Variants in DCDC2C observed in about 807,000 individuals in gnomAD.
The protein encoded by DCDC2C is doublecortin domain-containing protein 2C.
A neutral mutation model predicts 45.0 loss-of-function variants in DCDC2C; 44 were observed. The observed-to-expected ratio is 0.98, with a 90% CI of 0.77 to 1.26. DCDC2C has a LOEUF of 1.26. Among genes scored for constraint, DCDC2C ranks in the 50% most tolerant of loss-of-function variants. The pLI is 0.00. For synonymous variants in DCDC2C, 187 were observed against 178.8 expected (o/e 1.05, Z -0.37); for missense variants, 447 against 468.9 (o/e 0.95, Z 0.43).
intron 10 of DCDC2C, among the ~76,000 whole-genome samples, chr2:3,795,260 A>G (rs1430532824): frequency 1.3e-5 from 2 of 151,048 alleles, no homozygotes; most frequent in African/African-American, 4.9e-5. Context: ...TAGATTCTGG[A>G]TATTAGCCCT....
At chr2:3,762,162 C>CTTTTTTTT (rs56067833) in intron 6 of DCDC2C, among the ~76,000 whole-genome samples, 28,372 of 126,460 alleles carry the variant, frequency 0.22, 3,939 homozygotes, top group South Asian at 0.29. Flanking sequence ...TTGCTTGAAC[C>CTTTTTTTT]TTTTTTTTTT....
At chr2:3,844,896 GTT>G (rs1672291816) in intron 10 of DCDC2C, among the ~76,000 whole-genome samples, 1 of 152,162 alleles carries the variant, frequency 6.6e-6, no homozygotes, top group African/African-American at 2.4e-5. Context: ...AACGGCACAT[GTT>G]TACATAGTTA....
rs188061532 is a variant in DCDC2C at position 3,739,867 on chromosome 2, T to G, written c.417-2053T>G. Among the ~76,000 whole-genome samples, 142 of 152,318 alleles carry G rather than the reference T, an allele frequency of 9.3e-4. 1 individual carries two copies. Among genetic ancestry groups the G allele is most frequent in the African/African-American group, 3.2e-3 (132 of 41,572 alleles). ...AGAGCAGCCTGTAACACAGGCCCAC[T>G]GGGGCTTCAGGAGCTGGAAACATTT... On this transcript the variant is annotated intron_variant, in intron 3 of 10. Transcript: ENST00000399143.
chr2:3,738,492 C>A, intron 3 of DCDC2C, among the ~76,000 whole-genome samples: 1 of 124,464 alleles, frequency 8.0e-6, no homozygotes, highest in African/African-American at 3.1e-5. Context: ...GAGATATATT[C>A]AGCATCCCAC....
At chr2:3,831,557 G>C (rs2148235197) in intron 10 of DCDC2C, among the ~76,000 whole-genome samples, 1 of 152,352 alleles carries the variant, frequency 6.6e-6, no homozygotes, top group African/African-American at 2.4e-5. Context: ...CATTGGACAT[G>C]TGGCCTTTTG....
At chr2:3,783,993 G>C (rs1436999635) in intron 9 of DCDC2C, among the ~76,000 whole-genome samples, 1 of 152,020 alleles carries the variant, frequency 6.6e-6, no homozygotes, top group Admixed American at 6.6e-5. Context: ...TTAACACAAA[G>C]CCCAATAAAA....
intron 3 of DCDC2C, among the ~76,000 whole-genome samples, chr2:3,738,894 T>C (rs1241820707): frequency 2.0e-5 from 3 of 152,172 alleles, no homozygotes; most frequent in Non-Finnish European, 4.4e-5. Flanking sequence ...GGAAACTGTT[T>C]TTGGGTATTT....
chr2:3,769,622 G>T (rs1048280172), intron 8 of DCDC2C, among the ~76,000 whole-genome samples: 2 of 152,118 alleles, frequency 1.3e-5, no homozygotes, highest in Non-Finnish European at 2.9e-5. Context: ...CTGGAGAGAC[G>T]CCTTTTAACA....
chr2:3,717,305 T>A (rs1441383748), intron 2 of DCDC2C, among the ~76,000 whole-genome samples: 3 of 152,214 alleles, frequency 2.0e-5, no homozygotes, highest in Non-Finnish European at 4.4e-5. Context: ...ACTCAGCATG[T>A]CCAAGTTTGA....
chr2:3,752,826 T>A lies in DCDC2C; in HGVS notation c.609T>A (p.Tyr203Ter). The change falls in exon 5 of 11, where the codon TAT becomes TAA. Residue 203 changes from tyrosine to a stop codon, truncating the protein, a stop_gained. Transcript: ENST00000399143. LOFTEE classifies it high-confidence loss of function. Reference sequence around the variant, plus strand: ...AGGATTTGCAAGACAATCACTTTTATGTTGCTGTGGGACTGGAGACCTTCA... The same window carrying A: ...AGGATTTGCAAGACAATCACTTTTAAGTTGCTGTGGGACTGGAGACCTTCA... ...DSKDLQDNHF[Y>*]VAVGLETFKY... is the part of the protein sequence containing the mutation. 6.4e-7 allele frequency: 1 copy of A among 1,550,544 alleles called. No homozygotes were observed. Among genetic ancestry groups the A allele is most frequent in the Non-Finnish European group, 8.7e-7 (1 of 1,146,956 alleles).
At chr2:3,769,644 G>A (rs1284002536) in intron 8 of DCDC2C, among the ~76,000 whole-genome samples, 1 of 152,158 alleles carries the variant, frequency 6.6e-6, no homozygotes, top group Admixed American at 6.5e-5. Flanking sequence ...TTCACTGTGT[G>A]TGACTGCAAA....
At chr2:3,823,947 A>T (rs1007783106) in intron 10 of DCDC2C, among the ~76,000 whole-genome samples, 1 of 152,178 alleles carries the variant, frequency 6.6e-6, no homozygotes, top group Non-Finnish European at 1.5e-5. Context: ...CTTTGTTGCA[A>T]CTCATCAGCT....
intron 2 of DCDC2C, among the ~76,000 whole-genome samples, chr2:3,725,487 CGAG>C (rs1558564559): frequency 5.6e-4 from 48 of 86,394 alleles, no homozygotes; most frequent in Admixed American, 7.9e-4. Context: ...CAGAGGAAGA[CGAG>C]CAGAGAGGGA....
At chr2:3,780,414 G>C (rs1670478373) in intron 9 of DCDC2C, among the ~76,000 whole-genome samples, 1 of 152,202 alleles carries the variant, frequency 6.6e-6, no homozygotes, top group South Asian at 2.1e-4. Context: ...ATCTACTCAG[G>C]CTGCTGGGGG....
At position 3,818,515 on chromosome 2, in the gene DCDC2C, T is replaced by C. The variant is rs1020604589; in HGVS notation, c.1066-28639T>C. On this transcript the variant is annotated intron_variant, in intron 10 of 10. Transcript: ENST00000399143. The surrounding 1 kb of genome is among the most constrained non-coding windows in gnomAD (Gnocchi z 4.7). Reference sequence around the variant, plus strand: ...AAGGGGCAGATCCTGAACTAACATGTAAGGCTTGTCCAGTTTTTGGACAGG... The same window carrying C: ...AAGGGGCAGATCCTGAACTAACATGCAAGGCTTGTCCAGTTTTTGGACAGG... Among the ~76,000 whole-genome samples the C allele has an allele frequency of 5.3e-5, 8 of 152,132 alleles. No homozygotes were observed. Among genetic ancestry groups the C allele is most frequent in the Admixed American group, 5.2e-4 (8 of 15,266 alleles).
intron 10 of DCDC2C, among the ~76,000 whole-genome samples, chr2:3,801,033 C>T (rs2148202432): frequency 6.6e-6 from 1 of 152,350 alleles, no homozygotes; most frequent in African/African-American, 2.4e-5. Context: ...TTCAACTTCA[C>T]TGATCCCTGG....
At chr2:3,759,760 T>C (rs1669827352) in intron 6 of DCDC2C, among the ~76,000 whole-genome samples, 1 of 152,218 alleles carries the variant, frequency 6.6e-6, no homozygotes, top group Non-Finnish European at 1.5e-5. Context: ...TCAAATTCCT[T>C]GTGTGTCCAG....
At chr2:3,822,883 T>C (rs904773944) in intron 10 of DCDC2C, among the ~76,000 whole-genome samples, 4 of 152,136 alleles carry the variant, frequency 2.6e-5, no homozygotes, top group African/African-American at 9.7e-5. Flanking sequence ...TTTCCCATGC[T>C]GATCTTGTGA....
intron 10 of DCDC2C, among the ~76,000 whole-genome samples, chr2:3,816,698 C>T (rs1440564846): frequency 6.6e-6 from 1 of 152,156 alleles, no homozygotes; most frequent in Non-Finnish European, 1.5e-5. Flanking sequence ...ATTATCTATC[C>T]ACTTTAAGAG....
Sources: allele counts gnomAD v4.1 joint callset (sites outside exome capture counted in the v4.1 genomes callset), GRCh38; gene constraint gnomAD v4.1.1; non-coding constraint Gnocchi (gnomAD v3.1); transcripts MANE v1.5; gene names NCBI Gene and HGNC (gene_info 2026-07-23, HGNC 2026-07-21).